Variants in EPHA6 observed in about 807,000 individuals in gnomAD.
EPHA6 encodes EPH receptor A6.
In EPHA6, 50 loss-of-function variants were observed where a neutral mutation model predicts 112.0. That is an observed-to-expected ratio of 0.45 (90% CI 0.36 to 0.56). The LOEUF (loss-of-function observed/expected upper bound fraction) is 0.56. EPHA6 is among the 20% of genes least tolerant of loss of function. The pLI is 0.00. For missense variants in EPHA6, 1,280 were observed against 1,417.4 expected, an observed-to-expected ratio of 0.90 and a Z score of 1.56; for synonymous variants, 529 against 490.7, an observed-to-expected ratio of 1.08 and a Z score of -1.03.
intron 10 of EPHA6, among the ~76,000 whole-genome samples, chr3:97,527,697 A>G (rs537325278): frequency 6.6e-6 from 1 of 152,266 alleles, no homozygotes; most frequent in South Asian, 2.1e-4. Context: ...AAAAAAGTGA[A>G]CAACCATGTG....
At chr3:96,913,209 C>G (rs981922130) in intron 2 of EPHA6, among the ~76,000 whole-genome samples, 10 of 119,248 alleles carry the variant, frequency 8.4e-5, no homozygotes, top group African/African-American at 3.2e-4. Context: ...CACACACACA[C>G]ACACCACACA....
intron 6 of EPHA6, among the ~76,000 whole-genome samples, chr3:97,439,044 G>T (rs1221792580): frequency 6.6e-6 from 1 of 152,124 alleles, no homozygotes; most frequent in East Asian, 1.9e-4. Context: ...AATTACGAAT[G>T]TTTAATTCCA....
intron 10 of EPHA6, among the ~76,000 whole-genome samples, chr3:97,511,178 G>T (rs2092357578): frequency 6.6e-6 from 1 of 152,056 alleles, no homozygotes; most frequent in Non-Finnish European, 1.5e-5. Flanking sequence ...CTTTCCAGGG[G>T]AGTGAATGGT....
At chr3:96,816,616 T>G (rs2032805234) in intron 1 of EPHA6, among the ~76,000 whole-genome samples, 1 of 152,102 alleles carries the variant, frequency 6.6e-6, no homozygotes, top group African/African-American at 2.4e-5. Context: ...GAGAGTCAAG[T>G]GTACTAGAAG....
At chr3:97,073,484 CACA>C (rs1432886925) in intron 3 of EPHA6, among the ~76,000 whole-genome samples, 2 of 152,052 alleles carry the variant, frequency 1.3e-5, no homozygotes, top group Non-Finnish European at 2.9e-5. Flanking sequence ...ACTGCATTTA[CACA>C]ACGTGTGTTA....
At chr3:96,919,154 G>A (rs1012099164) in intron 2 of EPHA6, among the ~76,000 whole-genome samples, 5 of 151,778 alleles carry the variant, frequency 3.3e-5, no homozygotes, top group South Asian at 2.1e-4. Context: ...TAATAAGTGT[G>A]TAATGGAAAA....
chr3:96,937,459 T>A (rs577295069), intron 2 of EPHA6, among the ~76,000 whole-genome samples: 1 of 93,348 alleles, frequency 1.1e-5, no homozygotes, highest in Non-Finnish European at 1.7e-5. Context: ...GGGTTGTTTG[T>A]TTTTTCTTGT....
chr3:97,193,661 T>G (rs558889456), intron 3 of EPHA6, among the ~76,000 whole-genome samples: 1 of 152,066 alleles, frequency 6.6e-6, no homozygotes, highest in Non-Finnish European at 1.5e-5. Context: ...AGGTAGGACT[T>G]GCAGTATTAT....
At chr3:97,097,088 A>G (rs2047262530) in intron 3 of EPHA6, among the ~76,000 whole-genome samples, 1 of 151,756 alleles carries the variant, frequency 6.6e-6, no homozygotes, top group Admixed American at 6.6e-5. Context: ...TGATATTATG[A>G]AAAAAAGAAA....
intron 3 of EPHA6, among the ~76,000 whole-genome samples, chr3:97,185,144 C>T (rs538193601): frequency 2.2e-4 from 33 of 152,282 alleles, no homozygotes; most frequent in African/African-American, 7.9e-4. Context: ...CCATTCAGGA[C>T]ATAGGCATGG....
chr3:97,449,294 T>C (rs1176660681), intron 7 of EPHA6, among the ~76,000 whole-genome samples: 2 of 152,140 alleles, frequency 1.3e-5, no homozygotes, highest in African/African-American at 4.8e-5. Context: ...AGGTCTTTTA[T>C]TCATTCTAAA....
intron 16 of EPHA6, among the ~76,000 whole-genome samples, chr3:97,739,138 G>A (rs764497349): frequency 6.6e-6 from 1 of 152,026 alleles, no homozygotes; most frequent in Non-Finnish European, 1.5e-5. Context: ...CCAGTTGTCT[G>A]CCCCAGAGTG....
At chr3:97,056,238 T>C (rs1301089778) in intron 3 of EPHA6, among the ~76,000 whole-genome samples, 1 of 152,174 alleles carries the variant, frequency 6.6e-6, no homozygotes, top group Non-Finnish European at 1.5e-5. Flanking sequence ...TAATCTACTG[T>C]GTCTGAAAGT....
intron 5 of EPHA6, among the ~76,000 whole-genome samples, chr3:97,290,756 T>G (rs1386588384): frequency 2.6e-5 from 4 of 152,136 alleles, no homozygotes; most frequent in East Asian, 1.9e-4. Context: ...TTCTAGTTTT[T>G]GGGGTCCTTT....
intron 3 of EPHA6, among the ~76,000 whole-genome samples, chr3:97,135,904 C>G (rs2075757309): frequency 6.6e-6 from 1 of 151,914 alleles, no homozygotes; most frequent in Admixed American, 6.6e-5. Context: ...ACCACAGCAG[C>G]AAGCAAGCTA....
intron 6 of EPHA6, among the ~76,000 whole-genome samples, chr3:97,417,525 A>G (rs2088226190): frequency 6.6e-6 from 1 of 152,288 alleles, no homozygotes; most frequent in African/African-American, 2.4e-5. Flanking sequence ...TTTACAAAGT[A>G]GGTAGGTATG....
At chr3:96,832,359 C>A (rs1182340583) in intron 1 of EPHA6, among the ~76,000 whole-genome samples, 1 of 151,958 alleles carries the variant, frequency 6.6e-6, no homozygotes, top group Non-Finnish European at 1.5e-5. Context: ...ATAATAAAAT[C>A]ATGAAGCTAA....
At chr3:97,185,777 G>A (rs568718345) in intron 3 of EPHA6, among the ~76,000 whole-genome samples, 7 of 152,104 alleles carry the variant, frequency 4.6e-5, no homozygotes, top group South Asian at 2.1e-4. Context: ...TGTTTATTGC[G>A]GCAATTTTCA....
intron 1 of EPHA6, among the ~76,000 whole-genome samples, chr3:96,829,130 C>T (rs1412708209): frequency 6.6e-6 from 1 of 152,042 alleles, no homozygotes; most frequent in Non-Finnish European, 1.5e-5. Flanking sequence ...GCACTTCATA[C>T]TTTATCTTAG....
Sources: gnomAD v4.1 joint callset for allele counts (sites outside exome capture counted in the v4.1 genomes callset) on GRCh38, gnomAD v4.1.1 for gene constraint, MANE v1.5 for transcripts, NCBI Gene and HGNC (gene_info 2026-07-23, HGNC 2026-07-21) for gene names.